IGFL4: variants seen among roughly 807,000 people sequenced by gnomAD.
IGFL4 encodes IGF like family member 4.
A neutral mutation model predicts 15.4 loss-of-function variants in IGFL4; 12 were observed. That is an observed-to-expected ratio of 0.78 (90% CI 0.50 to 1.26). The LOEUF (loss-of-function observed/expected upper bound fraction) is 1.26, where lower values mean the gene tolerates loss of function less well. Ranked by LOEUF, IGFL4 falls within the 50% of genes most tolerant of loss-of-function variation. IGFL4 has a pLI of 0.00. For synonymous variants in IGFL4, 54 were observed against 55.9 expected (o/e 0.97, Z 0.16); for missense variants, 126 against 147.8 (o/e 0.85, Z 0.76).
chr19:46,048,220 C>G (rs536835427), intron 2 of IGFL4, among the ~76,000 whole-genome samples: 1 of 152,258 alleles, frequency 6.6e-6, no homozygotes, highest in Non-Finnish European at 1.5e-5. Flanking sequence ...ATTTAAACAT[C>G]CCTTTATGTT....
intron 1 of IGFL4, among the ~76,000 whole-genome samples, chr19:46,070,196 TA>T (rs1969532785): frequency 6.6e-6 from 1 of 152,082 alleles, no homozygotes; most frequent in African/African-American, 2.4e-5. Context: ...CATGTGTTCT[TA>T]GTGATTCACA....
Position 46,039,830 on chromosome 19 carries a change from G to T in IGFL4, c.*62C>A. Reference sequence around the variant, plus strand: ...CTGTCACAACAACAACAAAATCAATGCAGTATAATTACCAAGTATTAGATT... The same window carrying T: ...CTGTCACAACAACAACAAAATCAATTCAGTATAATTACCAAGTATTAGATT... On this transcript the variant is annotated 3_prime_UTR_variant, in exon 4 of 4. Coordinates refer to ENST00000377697, the MANE Select transcript of IGFL4 (RefSeq NM_001002923.3). 7.4e-7 allele frequency: 1 copy of T among 1,357,714 alleles called. No homozygotes were observed. The highest frequency in any genetic ancestry group is 1.1e-6 in the Non-Finnish European group (1 of 946,552). 84.1% of individuals were successfully genotyped at this position (1,357,714 alleles called of 1,614,324 possible).
chr19:46,041,211 A>G (rs61730192), upstream of IGFL4: 7,108 of 457,154 alleles, frequency 0.016, 420 homozygotes, highest in African/African-American at 0.13. Flanking sequence ...CCTCAGGGTA[A>G]AGGCTACCCA....
At chr19:46,074,470 G>A (rs1322483658) in intron 1 of IGFL4, among the ~76,000 whole-genome samples, 1 of 151,570 alleles carries the variant, frequency 6.6e-6, no homozygotes, top group South Asian at 2.1e-4. Context: ...TTATTAAATA[G>A]TATTAACTCA....
Position 46,040,389 on chromosome 19 carries a change from G to T in IGFL4, c.98C>A (p.Ala33Glu). ...GTAGGTCCACTCCCCGCACCTGGGC[G>T]CTGGCTGGCATAGCCACAGTCTAAG... ...TDLRLWLCQP[A>E]PRCGEWTYNP... Residue 33 changes from alanine (A) to glutamate (E), a missense_variant, in exon 3 of 4, where the codon GCG (alanine) becomes GAG (glutamate). Coordinates refer to ENST00000377697, the MANE Select transcript of IGFL4 (RefSeq NM_001002923.3). The surrounding 1 kb of genome is among the most constrained non-coding windows in gnomAD (Gnocchi z 4.1). The T allele has an allele frequency of 6.2e-7, 1 of 1,614,212 alleles. No individual in the cohort carries two copies. The highest frequency in any genetic ancestry group is 1.1e-5 in the South Asian group (1 of 91,084).
chr19:46,064,016 G>A (rs917373954), intron 1 of IGFL4, among the ~76,000 whole-genome samples: 65 of 150,570 alleles, frequency 4.3e-4, no homozygotes, highest in Admixed American at 3.4e-3. Flanking sequence ...AAGTTGCAGT[G>A]AGCCAAGATA....
At chr19:46,059,390 CT>C (rs1433769431) in intron 2 of IGFL4, 1 of 152,140 alleles carries the variant, frequency 6.6e-6, no homozygotes, top group African/African-American at 2.4e-5. Flanking sequence ...CAATGCTTTC[CT>C]GCCTAACTGT....
chr19:46,045,726 A>G (rs1029506426), upstream of IGFL4, among the ~76,000 whole-genome samples: 1 of 152,134 alleles, frequency 6.6e-6, no homozygotes, highest in Non-Finnish European at 1.5e-5. Flanking sequence ...ATAGAGAAAA[A>G]AGAACAAAAA....
At chr19:46,043,573 T>C (rs1568710382), upstream of IGFL4, among the ~76,000 whole-genome samples, 3 of 152,176 alleles carry the variant, frequency 2.0e-5, no homozygotes, top group African/African-American at 7.2e-5. Flanking sequence ...GAAGACAGTA[T>C]AGTATTGGCA....
chr19:46,059,508 T>C (rs1222223277), intron 2 of IGFL4: 1 of 152,150 alleles, frequency 6.6e-6, no homozygotes, highest in Non-Finnish European at 1.5e-5. Flanking sequence ...TCTTGTTTAT[T>C]CTGAACTGCA....
At chr19:46,064,830 G>A (rs1969479683) in intron 1 of IGFL4, among the ~76,000 whole-genome samples, 2 of 152,242 alleles carry the variant, frequency 1.3e-5, no homozygotes, top group South Asian at 4.1e-4. Context: ...AGGATCATAT[G>A]GTAGCTCTAT....
At chr19:46,043,221 T>C (rs1277433171), upstream of IGFL4, among the ~76,000 whole-genome samples, 1 of 152,196 alleles carries the variant, frequency 6.6e-6, no homozygotes, top group African/African-American at 2.4e-5. Context: ...AATACTTAGG[T>C]ATACTGTAAA....
chr19:46,076,476 C>T (rs968078620), intron 1 of IGFL4, among the ~76,000 whole-genome samples: 3 of 152,042 alleles, frequency 2.0e-5, no homozygotes, highest in South Asian at 2.1e-4. Context: ...CCAGATTCAT[C>T]GTGTATATTT....
chr19:46,071,543 A>G (rs1969545994), intron 1 of IGFL4, among the ~76,000 whole-genome samples: 2 of 152,236 alleles, frequency 1.3e-5, no homozygotes, highest in South Asian at 2.1e-4. Context: ...GTGTAAGACA[A>G]AGACAGTAGT....
chr19:46,041,864 C>T (rs1239806258), upstream of IGFL4, among the ~76,000 whole-genome samples: 2 of 140,764 alleles, frequency 1.4e-5, no homozygotes, highest in East Asian at 2.0e-4. Flanking sequence ...TTTGAGACAC[C>T]GTATCTCTCT....
intron 2 of IGFL4, among the ~76,000 whole-genome samples, chr19:46,049,842 G>T (rs1440905759): frequency 6.6e-6 from 1 of 152,186 alleles, no homozygotes; most frequent in Non-Finnish European, 1.5e-5. Context: ...GCCACCTCCT[G>T]GCTGGAGGCC....
upstream of IGFL4, chr19:46,041,017 C>T: frequency 6.6e-7 from 1 of 1,516,562 alleles, no homozygotes; most frequent in Non-Finnish European, 8.9e-7. Flanking sequence ...GGGTCAGTGA[C>T]TTTACATAGG....
intron 2 of IGFL4, among the ~76,000 whole-genome samples, chr19:46,049,611 C>T (rs1024152661): frequency 3.3e-5 from 5 of 152,146 alleles, no homozygotes; most frequent in Admixed American, 2.6e-4. Context: ...ATAGCAGCCA[C>T]AGCAAGTCCC....
Position 46,074,915 on chromosome 19 carries a change from T to C in IGFL4, c.-432+2105A>G, listed in dbSNP as rs1969581017. On this transcript the variant is annotated intron_variant, in intron 1 of 5. Coordinates refer to the IGFL4 transcript ENST00000601672. ...TTCCAAGAAGCTGATGAAAATCATGTCCCTGACATGGAAATCAAGACACTT... is the reference window on the plus strand; with the variant it reads ...TTCCAAGAAGCTGATGAAAATCATGCCCCTGACATGGAAATCAAGACACTT... 2.0e-5 allele frequency among the ~76,000 whole-genome samples: 3 copies of C among 152,184 alleles called. No homozygotes were observed. The South Asian group carries it at 6.2e-4, about 31-fold the overall frequency.
Sources: allele counts gnomAD v4.1 joint callset (sites outside exome capture counted in the v4.1 genomes callset), GRCh38; gene constraint gnomAD v4.1.1; non-coding constraint Gnocchi (gnomAD v3.1); transcripts MANE v1.5; gene names NCBI Gene and HGNC (gene_info 2026-07-23, HGNC 2026-07-21).